Variants in NAV2 observed in about 807,000 individuals in gnomAD.
NAV2 encodes neuron navigator 2, also known as helicase, APC down-regulated 1.
A neutral mutation model predicts 223.2 loss-of-function variants in NAV2; 54 were observed. The ratio of observed to expected loss-of-function variants is 0.24; its 90% confidence interval spans 0.19 to 0.30. NAV2 has a LOEUF of 0.30. Ranked by LOEUF, NAV2 falls within the 10% of genes least tolerant of loss-of-function variation. NAV2 has a pLI of 1.00. For missense variants in NAV2, 2,806 were observed against 3,147.5 expected (o/e 0.89, Z 2.60); for synonymous variants, 1,279 against 1,239.3 (o/e 1.03, Z -0.67).
rs1022108214 is a variant in NAV2, at chr11:20,068,204, T to A, written c.4903T>A (p.Ser1635Thr). The change falls in exon 21 of 38, where the codon TCA becomes ACA. Residue 1635 changes from serine (S) to threonine (T), a missense_variant. Ser to Thr is a moderately conservative substitution (Grantham distance 58). Around this residue, in one of 4 missense-constraint regions of NAV2, gnomAD observed 824 missense variants for 1,069.4 expected, o/e 0.77. Transcript: ENST00000349880. ...TTTACAGCCAGAAGAAAAATGCCAGTCAGAGGTAAGGAACAGCTTTCTGGT... is the reference window on the plus strand; with the variant it reads ...TTTACAGCCAGAAGAAAAATGCCAGACAGAGGTAAGGAACAGCTTTCTGGT... ...VYSTPEEKCQSEIRKLRRELD... is the reference protein window; with the variant it reads ...VYSTPEEKCQTEIRKLRRELD... 2 of 1,614,100 alleles carry A rather than the reference T, an allele frequency of 1.2e-6. No homozygotes were observed. Among genetic ancestry groups the A allele is most frequent in the African/African-American group, 1.3e-5 (1 of 75,058 alleles).
chr11:19,424,252 G>T (rs1258675693), intron 1 of NAV2, among the ~76,000 whole-genome samples: 1 of 152,150 alleles, frequency 6.6e-6, no homozygotes, highest in Admixed American at 6.5e-5. Flanking sequence ...AGGAGCCATG[G>T]GTATTGTTTT....
rs190994058 is a variant in NAV2 at position 19,680,261 on chromosome 11, C to T, written c.76-152223C>T. On this transcript the variant is annotated intron_variant, in intron 1 of 37. Transcript: ENST00000360655. ...GAGCGTTTTCCTGCCTTTTTGGCACCGAATGCAGTGCTGGCTTCTGTCCTG... is the reference window on the plus strand; with the variant it reads ...GAGCGTTTTCCTGCCTTTTTGGCACTGAATGCAGTGCTGGCTTCTGTCCTG... Among the ~76,000 whole-genome samples, 494 of 152,242 alleles carry T rather than the reference C, an allele frequency of 3.2e-3. 3 individuals carry two copies. Among genetic ancestry groups the T allele is most frequent in the Middle Eastern group, 0.014 (4 of 294 alleles).
chr11:19,997,610 A>G (rs1323243594), intron 11 of NAV2, among the ~76,000 whole-genome samples: 3 of 152,170 alleles, frequency 2.0e-5, no homozygotes, highest in Non-Finnish European at 4.4e-5. Context: ...CATATTTCAC[A>G]AATAAGGAAT....
chr11:19,653,873 G>A (rs985450182), intron 1 of NAV2, among the ~76,000 whole-genome samples: 2 of 152,108 alleles, frequency 1.3e-5, no homozygotes, highest in Admixed American at 6.6e-5. Flanking sequence ...GAGCTCCTGG[G>A]CAGAGCCACT....
At chr11:19,664,779 C>T (rs560968823) in intron 1 of NAV2, among the ~76,000 whole-genome samples, 1 of 152,282 alleles carries the variant, frequency 6.6e-6, no homozygotes, top group African/African-American at 2.4e-5. Flanking sequence ...ATGTTGAGTT[C>T]CACCTCCCAA....
intron 12 of NAV2, among the ~76,000 whole-genome samples, chr11:20,040,033 T>A (rs1003555571): frequency 3.9e-5 from 6 of 152,144 alleles, no homozygotes; most frequent in African/African-American, 1.4e-4. Context: ...AAAATGTGGA[T>A]AATAACACAG....
At chr11:20,063,412 G>A (rs1218590190) in intron 20 of NAV2, among the ~76,000 whole-genome samples, 2 of 152,024 alleles carry the variant, frequency 1.3e-5, no homozygotes, top group African/African-American at 2.4e-5. Flanking sequence ...TCGCTCTGTC[G>A]CCCAGGCTGG....
At chr11:19,957,473 G>A (rs536168051) in intron 10 of NAV2, among the ~76,000 whole-genome samples, 1 of 152,288 alleles carries the variant, frequency 6.6e-6, no homozygotes, top group African/African-American at 2.4e-5. Flanking sequence ...TTCCCTGCAT[G>A]GTTGTGATGT....
At chr11:19,498,816 C>T (rs995462838) in intron 1 of NAV2, among the ~76,000 whole-genome samples, 2 of 152,162 alleles carry the variant, frequency 1.3e-5, no homozygotes, top group African/African-American at 2.4e-5. Flanking sequence ...ATCTGGGTTC[C>T]GCATGTGCTG....
At chr11:19,504,131 A>G (rs1483018789) in intron 1 of NAV2, among the ~76,000 whole-genome samples, 1 of 152,264 alleles carries the variant, frequency 6.6e-6, no homozygotes, top group Non-Finnish European at 1.5e-5. Context: ...TACATCTATT[A>G]TAATGGCCAA....
chr11:19,497,892 C>A (rs114897622), intron 1 of NAV2, among the ~76,000 whole-genome samples: 174 of 152,272 alleles, frequency 1.1e-3, no homozygotes, highest in African/African-American at 4.0e-3. Context: ...GAACAGCAGA[C>A]TCTAGGAAGA....
intron 3 of NAV2, among the ~76,000 whole-genome samples, chr11:19,850,437 G>C (rs1486797274): frequency 6.6e-6 from 1 of 152,182 alleles, no homozygotes; most frequent in East Asian, 1.9e-4. Context: ...TGGGTAGATG[G>C]ACAGACGGAA....
intron 1 of NAV2, among the ~76,000 whole-genome samples, chr11:19,470,036 C>T (rs529819289): frequency 1.1e-4 from 17 of 152,364 alleles, no homozygotes; most frequent in African/African-American, 3.8e-4. Flanking sequence ...TGTGAGCTTG[C>T]TTCTGCAAAG....
chr11:19,369,408 G>A (rs539124027), intron 1 of NAV2, among the ~76,000 whole-genome samples: 1 of 152,066 alleles, frequency 6.6e-6, no homozygotes, highest in Admixed American at 6.6e-5. Context: ...TTTCTGCCTG[G>A]TCTACTCTGT....
chr11:19,603,324 G>A (rs1174340421), intron 1 of NAV2, among the ~76,000 whole-genome samples: 4 of 152,146 alleles, frequency 2.6e-5, no homozygotes, highest in Non-Finnish European at 5.9e-5. Context: ...TGTTTCTAGA[G>A]ACTAGAAATA....
intron 1 of NAV2, among the ~76,000 whole-genome samples, chr11:19,803,743 C>G (rs1354012089): frequency 6.6e-6 from 1 of 152,240 alleles, no homozygotes; most frequent in Non-Finnish European, 1.5e-5. Context: ...TCATTCTTCT[C>G]CCTGCTTTTG....
chr11:19,707,571 C>T (rs1049769623), intron 1 of NAV2, among the ~76,000 whole-genome samples: 1 of 152,148 alleles, frequency 6.6e-6, no homozygotes, highest in African/African-American at 2.4e-5. Flanking sequence ...CCAACAATGC[C>T]TTCTGGAATA....
intron 3 of NAV2, among the ~76,000 whole-genome samples, chr11:19,852,239 T>C (rs1291722402): frequency 2.0e-5 from 3 of 152,262 alleles, no homozygotes; most frequent in Admixed American, 1.3e-4. Context: ...CTGGGATTCA[T>C]GCAAAATAAC....
At chr11:19,723,488 T>A (rs906328305) in intron 1 of NAV2, among the ~76,000 whole-genome samples, 1 of 152,218 alleles carries the variant, frequency 6.6e-6, no homozygotes, top group African/African-American at 2.4e-5. Flanking sequence ...CTGAGTCCCA[T>A]ATGAGCTACT....
Sources: allele counts gnomAD v4.1 joint callset (sites outside exome capture counted in the v4.1 genomes callset), GRCh38; gene constraint gnomAD v4.1.1; regional missense constraint gnomAD v4.1.1; transcripts MANE v1.5; gene names NCBI Gene and HGNC (gene_info 2026-07-23, HGNC 2026-07-21).